The following EYS variants were observed in gnomAD, a reference collection of about 807,000 sequenced individuals.
EYS encodes protein eyes shut homolog.
In EYS, 250 loss-of-function variants were observed where a neutral mutation model predicts 282.1. The ratio of observed to expected loss-of-function variants is 0.89; its 90% confidence interval spans 0.80 to 0.98. The LOEUF (loss-of-function observed/expected upper bound fraction) is 0.98. Among genes scored for constraint, EYS ranks in the 50% least tolerant of loss-of-function variants. The probability of loss-of-function intolerance (pLI) is 0.00; values close to 1 mark genes in which losing one functional copy is unlikely to be tolerated. For missense variants in EYS, 4,016 were observed against 3,709.0 expected (o/e 1.08, Z -2.15); for synonymous variants, 1,355 against 1,282.9 (o/e 1.06, Z -1.20).
intron 2 of EYS, among the ~76,000 whole-genome samples, chr6:65,567,544 A>C (rs1014127046): frequency 2.6e-5 from 4 of 152,060 alleles, no homozygotes; most frequent in Admixed American, 2.0e-4. Flanking sequence ...AATGTCTTCT[A>C]ATATTCCACT....
chr6:64,705,256 T>G (rs1167637072), intron 22 of EYS, among the ~76,000 whole-genome samples: 1 of 152,224 alleles, frequency 6.6e-6, no homozygotes, highest in South Asian at 2.1e-4. Context: ...AATAAAATGC[T>G]TAGGAATTTA....
intron 31 of EYS, among the ~76,000 whole-genome samples, chr6:64,183,410 G>A (rs930359273): frequency 6.6e-6 from 1 of 152,110 alleles, no homozygotes; most frequent in African/African-American, 2.4e-5. Flanking sequence ...GTAAGGTGAG[G>A]ACTTTACCTC....
intron 28 of EYS, among the ~76,000 whole-genome samples, chr6:64,396,664 G>A (rs1773389278): frequency 6.6e-6 from 1 of 152,004 alleles, no homozygotes; most frequent in Admixed American, 6.6e-5. Flanking sequence ...TAACATGAGT[G>A]GAAGAAAACT....
At chr6:64,611,613 AT>A (rs1767118989) in intron 24 of EYS, among the ~76,000 whole-genome samples, 1 of 152,168 alleles carries the variant, frequency 6.6e-6, no homozygotes, top group Non-Finnish European at 1.5e-5. Flanking sequence ...TCTGCAAAAA[AT>A]GGTGCTCAAC....
At chr6:65,496,396 C>G (rs975565582) in intron 2 of EYS, among the ~76,000 whole-genome samples, 2 of 151,740 alleles carry the variant, frequency 1.3e-5, no homozygotes, top group African/African-American at 4.8e-5. Flanking sequence ...TAAAAGGTAA[C>G]TACCAATTAT....
intron 2 of EYS, among the ~76,000 whole-genome samples, chr6:65,634,141 A>C (rs955035825): frequency 2.6e-5 from 4 of 152,168 alleles, no homozygotes; most frequent in African/African-American, 7.2e-5. Flanking sequence ...ATTGTGAACA[A>C]CACCTGGGAT....
chr6:64,057,379 T>C (rs1012283947), intron 33 of EYS, among the ~76,000 whole-genome samples: 1 of 114,482 alleles, frequency 8.7e-6, no homozygotes, highest in Non-Finnish European at 1.7e-5. Flanking sequence ...TAAAGTAAGG[T>C]TTTTTTTTTT....
intron 31 of EYS, among the ~76,000 whole-genome samples, chr6:64,218,870 T>C (rs969277307): frequency 3.9e-5 from 6 of 152,120 alleles, no homozygotes; most frequent in Non-Finnish European, 5.9e-5. Context: ...TGGGATCCAA[T>C]TGATGATGAG....
At chr6:64,562,382 T>C (rs1319370628) in intron 26 of EYS, among the ~76,000 whole-genome samples, 2 of 151,950 alleles carry the variant, frequency 1.3e-5, no homozygotes, top group Non-Finnish European at 2.9e-5. Flanking sequence ...AAGTACATTT[T>C]TAAATAGAAG....
At chr6:65,015,367 C>T (rs910007789) in intron 13 of EYS, among the ~76,000 whole-genome samples, 1 of 152,110 alleles carries the variant, frequency 6.6e-6, no homozygotes, top group African/African-American at 2.4e-5. Flanking sequence ...AAATGAAGTT[C>T]ACTAATTTGA....
intron 12 of EYS, among the ~76,000 whole-genome samples, chr6:65,188,763 G>T (rs1428891036): frequency 1.6e-5 from 1 of 62,814 alleles, no homozygotes; most frequent in Non-Finnish European, 3.2e-5. Context: ...TTTATTGCAT[G>T]CAAAAAAAAA....
chr6:65,103,653 C>A (rs1263008782), intron 12 of EYS, among the ~76,000 whole-genome samples: 2 of 151,408 alleles, frequency 1.3e-5, no homozygotes, highest in Non-Finnish European at 3.0e-5. Flanking sequence ...AAAGGTGACC[C>A]ACAAAGTTCA....
intron 22 of EYS, among the ~76,000 whole-genome samples, chr6:64,685,131 T>C (rs1029192139): frequency 4.6e-5 from 7 of 151,998 alleles, no homozygotes; most frequent in African/African-American, 1.7e-4. Flanking sequence ...CTGATTATAA[T>C]AATATCAGAC....
intron 33 of EYS, among the ~76,000 whole-genome samples, chr6:64,047,780 G>T (rs1342775979): frequency 6.6e-6 from 1 of 152,148 alleles, no homozygotes; most frequent in Non-Finnish European, 1.5e-5. Context: ...GACAAACTAC[G>T]TGTCCCTACT....
chr6:64,251,266 T>C (rs183959805), intron 30 of EYS, among the ~76,000 whole-genome samples: 1 of 152,312 alleles, frequency 6.6e-6, no homozygotes, highest in Admixed American at 6.5e-5. Context: ...ATTTGTTTAA[T>C]AAGCTTTAAA....
chr6:65,274,324 A>G (rs1562065058), intron 12 of EYS, among the ~76,000 whole-genome samples: 3 of 152,184 alleles, frequency 2.0e-5, no homozygotes, highest in Non-Finnish European at 2.9e-5. Flanking sequence ...TCTTATCTCA[A>G]TTCAACTCCT....
At chr6:64,278,964 G>A (rs1768210969) in intron 30 of EYS, among the ~76,000 whole-genome samples, 1 of 151,974 alleles carries the variant, frequency 6.6e-6, no homozygotes, top group Admixed American at 6.6e-5. Context: ...ATGTTGCCCA[G>A]GTTGGTCTCA....
At chr6:64,561,805 C>T (rs907684943) in intron 26 of EYS, among the ~76,000 whole-genome samples, 2 of 151,188 alleles carry the variant, frequency 1.3e-5, no homozygotes, top group African/African-American at 4.9e-5. Context: ...TGGCATTCTT[C>T]CCAAAACTAT....
intron 26 of EYS, among the ~76,000 whole-genome samples, chr6:64,575,201 C>T (rs993141543): frequency 1.3e-5 from 2 of 151,786 alleles, no homozygotes; most frequent in African/African-American, 2.4e-5. Context: ...GAATTTTATC[C>T]ACATGAAAAT....
Sources: allele counts gnomAD v4.1 joint callset (sites outside exome capture counted in the v4.1 genomes callset), GRCh38; gene constraint gnomAD v4.1.1; transcripts MANE v1.5; gene names NCBI Gene and HGNC (gene_info 2026-07-23, HGNC 2026-07-21).